FBXL20: variants seen among roughly 807,000 people sequenced by gnomAD.
The protein encoded by FBXL20 is F-box/LRR-repeat protein 20.
In FBXL20, 11 loss-of-function variants were observed where a neutral mutation model predicts 64.0. The ratio of observed to expected loss-of-function variants is 0.17; its 90% confidence interval spans 0.11 to 0.28. The LOEUF (loss-of-function observed/expected upper bound fraction) is 0.28. FBXL20 is among the 10% of genes least tolerant of loss of function. FBXL20 has a pLI of 1.00. For synonymous variants in FBXL20, 184 were observed against 189.0 expected (o/e 0.97, Z 0.22); for missense variants, 303 against 526.2 (o/e 0.58, Z 4.15).
rs143952206 is a variant in FBXL20 at position 39,334,731 on chromosome 17, G to C, written c.104+8449C>G. The stretch of plus-strand genomic sequence containing the variant: ...CGCATGTTATAACTAAAAGGGCACA[G>C]TGCAGACTCAAGCAATCTTTATCAC... On this transcript the variant is annotated intron_variant, in intron 2 of 14. Coordinates refer to ENST00000264658, the MANE Select transcript of FBXL20 (RefSeq NM_032875.3). 2.9e-3 allele frequency among the ~76,000 whole-genome samples: 439 copies of C among 152,300 alleles called. 2 individuals are homozygous for C. In the Middle Eastern group the frequency reaches 0.061, roughly 21 times the overall value.
chr17:39,262,769 C>T (rs1240812075), intron 14 of FBXL20, among the ~76,000 whole-genome samples: 2 of 150,910 alleles, frequency 1.3e-5, no homozygotes, highest in Non-Finnish European at 3.0e-5. Flanking sequence ...GAGGCTGAAG[C>T]GGGCGGATCA....
At chr17:39,332,473 T>C (rs1057021295) in intron 2 of FBXL20, among the ~76,000 whole-genome samples, 1 of 152,032 alleles carries the variant, frequency 6.6e-6, no homozygotes, top group Non-Finnish European at 1.5e-5. Context: ...CTCGGAAGCT[T>C]ACTTCTAGTT....
At chr17:39,382,923 G>A (rs774750809) in intron 1 of FBXL20, among the ~76,000 whole-genome samples, 7 of 151,758 alleles carry the variant, frequency 4.6e-5, no homozygotes, top group Admixed American at 4.6e-4. Flanking sequence ...TTGTGAGGCC[G>A]AAGTGGGCAG....
intron 1 of FBXL20, among the ~76,000 whole-genome samples, chr17:39,384,879 A>T (rs1466044205): frequency 6.6e-6 from 1 of 151,760 alleles, no homozygotes; most frequent in African/African-American, 2.4e-5. Flanking sequence ...GAACCTGAGA[A>T]GCGGAGGTTG....
At chr17:39,350,404 G>C (rs8079346) in intron 1 of FBXL20, among the ~76,000 whole-genome samples, 1 of 151,700 alleles carries the variant, frequency 6.6e-6, no homozygotes, top group Admixed American at 6.6e-5. Flanking sequence ...CAGAAGAATC[G>C]CTTGAACCTG....
At chr17:39,293,949 C>T (rs2047062770) in intron 6 of FBXL20, among the ~76,000 whole-genome samples, 1 of 151,800 alleles carries the variant, frequency 6.6e-6, no homozygotes, top group Admixed American at 6.6e-5. Flanking sequence ...CTTGGGCTCC[C>T]CCTCCCTCTA....
At chr17:39,347,151 A>C (rs1306669101) in intron 1 of FBXL20, among the ~76,000 whole-genome samples, 1 of 152,194 alleles carries the variant, frequency 6.6e-6, no homozygotes, top group Admixed American at 6.6e-5. Context: ...CAATAAACAT[A>C]CATGTGCATG....
intron 2 of FBXL20, among the ~76,000 whole-genome samples, chr17:39,312,137 C>T (rs747705999): frequency 8.5e-5 from 13 of 152,056 alleles, no homozygotes; most frequent in African/African-American, 1.2e-4. Flanking sequence ...TAAGAACTGG[C>T]CGGGCATGGT....
chr17:39,270,901 C>T, intron 10 of FBXL20, 45 bp from the exon 11 acceptor site: 1 of 1,476,036 alleles, frequency 6.8e-7, no homozygotes, highest in Non-Finnish European at 9.2e-7. Context: ...GCTCTTGGTC[C>T]CTGAAAACTG....
intron 6 of FBXL20, among the ~76,000 whole-genome samples, chr17:39,286,762 C>T (rs1222818390): frequency 6.6e-6 from 1 of 151,690 alleles, no homozygotes; most frequent in Non-Finnish European, 1.5e-5. Context: ...TGCACCATTG[C>T]ACTCCAGCCT....
At chr17:39,328,421 G>A (rs758979901) in intron 2 of FBXL20, among the ~76,000 whole-genome samples, 74 of 152,078 alleles carry the variant, frequency 4.9e-4, no homozygotes, top group Admixed American at 1.6e-3. Context: ...AGTGCTCAAT[G>A]AATGATGGGA....
chr17:39,265,425 G>A lies in FBXL20; in HGVS notation c.962C>T (p.Ser321Phe), dbSNP rs1038359319. 3.7e-6 allele frequency: 6 copies of A among 1,611,696 alleles called. No homozygotes were observed. The highest frequency in any genetic ancestry group is 8.5e-7 in the Non-Finnish European group (1 of 1,178,070). Residue 321 changes from serine to phenylalanine, a missense_variant, in exon 13 of 15, where the codon TCT (serine) becomes TTT (phenylalanine). Around this residue, in one of 3 missense-constraint regions of FBXL20, gnomAD observed 246 missense variants for 422.6 expected, o/e 0.58. Coordinates refer to ENST00000264658, the MANE Select transcript of FBXL20 (RefSeq NM_032875.3). ...TACTTGAAGTCGAGGACAGTGTATAGAAAGTTGGATTAATGTGCTATCTGT... is the reference window on the plus strand; with the variant it reads ...TACTTGAAGTCGAGGACAGTGTATAAAAAGTTGGATTAATGTGCTATCTGT... ...QITDSTLIQLSIHCPRLQVLS... is the reference protein window; with the variant it reads ...QITDSTLIQLFIHCPRLQVLS...
chr17:39,315,868 A>AGAGAGAGAGG (rs368094288), intron 2 of FBXL20, among the ~76,000 whole-genome samples: 23 of 144,596 alleles, frequency 1.6e-4, no homozygotes, highest in Non-Finnish European at 2.7e-4. Flanking sequence ...AGAGAGAGAG[A>AGAGAGAGAGG]GAGCAACTGT....
rs370156235 is a variant in FBXL20 at position 39,324,785 on chromosome 17, A to G, written c.104+18395T>C. On this transcript the variant is annotated intron_variant, in intron 2 of 14. Transcript: ENST00000264658. ...CAACAGTGCATTGCAGCAAGGTTTG[A>G]TCATTAACTTACAAATTCTAATCTC... Among the ~76,000 whole-genome samples, 12 of 152,178 alleles carry G rather than the reference A, an allele frequency of 7.9e-5. No individual in the cohort carries two copies. In the East Asian group the frequency reaches 2.3e-3, roughly 29 times the overall value.
chr17:39,283,550 C>T lies in FBXL20; in HGVS notation c.495-695G>A, dbSNP rs370103626. On this transcript the variant is annotated intron_variant, in intron 7 of 14. Transcript: ENST00000264658. ...TCCATGGCTCAACTGATCCTCCCGC[C>T]TCAGTCCCTCAAGTAGCACCCAGCT... is the stretch of plus-strand genomic sequence containing the variant. Among the ~76,000 whole-genome samples, 263 of 152,222 alleles carry T rather than the reference C, an allele frequency of 1.7e-3. 2 individuals carry two copies. Among genetic ancestry groups the T allele is most frequent in the Middle Eastern group, 3.4e-3 (1 of 294 alleles).
chr17:39,334,239 G>C (rs1417410276), intron 2 of FBXL20, among the ~76,000 whole-genome samples: 1 of 152,104 alleles, frequency 6.6e-6, no homozygotes, highest in Non-Finnish European at 1.5e-5. Context: ...GGTGGTGCAA[G>C]ATGTGCTTTG....
intron 2 of FBXL20, among the ~76,000 whole-genome samples, chr17:39,339,992 G>A (rs753575940): frequency 4.6e-5 from 7 of 151,618 alleles, no homozygotes; most frequent in African/African-American, 7.3e-5. Context: ...AGGCTGAAGC[G>A]CAATGGCGCT....
rs1450358981 is a variant in FBXL20, at chr17:39,259,765, T to G, written c.*1695A>C. The G allele has an allele frequency of 1.3e-5, 2 of 151,806 alleles. No homozygotes were observed. Among genetic ancestry groups the G allele is most frequent in the African/African-American group, 4.8e-5 (2 of 41,258 alleles). 9.4% of individuals were successfully genotyped at this position (151,806 alleles called of 1,614,324 possible). A position where few individuals can be genotyped will look rare whatever the true frequency, so the allele number is the denominator to read the frequency against. On this transcript the variant is annotated 3_prime_UTR_variant, in exon 15 of 15. Transcript: ENST00000264658. ...TTGGGAGGCTGAGGCAGGTGGATCA[T>G]TTGAGGTCAGGAGTTCAAGACCAGG...
In FBXL20 at chr17:39,256,357, A is replaced by G. The variant is rs1283597103; in HGVS notation, c.*5103T>C. 4.6e-5 allele frequency: 7 copies of G among 151,920 alleles called. No homozygotes were observed. The highest frequency in any genetic ancestry group is 8.8e-5 in the Non-Finnish European group (6 of 68,004). The allele number at this position is 151,920 out of a possible 1,614,324, so 9.4% of individuals were successfully genotyped here. On this transcript the variant is annotated 3_prime_UTR_variant, in exon 15 of 15. Transcript: ENST00000264658. ...AAAAAAAAAGAAATATAGGCGAGGA[A>G]AGGCTGTGACTCCATTTTTCCCCAT... is the stretch of plus-strand genomic sequence containing the variant.
Sources: gnomAD v4.1 joint callset for allele counts (sites outside exome capture counted in the v4.1 genomes callset) on GRCh38, gnomAD v4.1.1 for gene constraint, gnomAD v4.1.1 regional missense constraint, MANE v1.5 for transcripts, NCBI Gene and HGNC (gene_info 2026-07-23, HGNC 2026-07-21) for gene names.